PREX1: variants seen among roughly 807,000 people sequenced by gnomAD.
PREX1 encodes phosphatidylinositol 3,4,5-trisphosphate-dependent Rac exchanger 1 protein.
Under a neutral mutation model 198.3 loss-of-function variants are expected in PREX1, and 41 were observed. The observed-to-expected ratio is 0.21, with a 90% CI of 0.16 to 0.27. The LOEUF (loss-of-function observed/expected upper bound fraction) is 0.27, where lower values mean the gene tolerates loss of function less well. Ranked by LOEUF, PREX1 falls within the 10% of genes least tolerant of loss-of-function variation. The pLI is 1.00. For missense variants in PREX1, 1,620 were observed against 2,200.7 expected, an observed-to-expected ratio of 0.74 and a Z score of 5.28; for synonymous variants, 843 against 887.2, an observed-to-expected ratio of 0.95 and a Z score of 0.89.
chr20:48,654,541 G>A (rs981412834), intron 19 of PREX1, among the ~76,000 whole-genome samples: 5 of 152,210 alleles, frequency 3.3e-5, no homozygotes, highest in African/African-American at 4.8e-5. Flanking sequence ...AAATGTCTCC[G>A]GGCAGGGCCG....
intron 1 of PREX1, among the ~76,000 whole-genome samples, chr20:48,766,298 C>T (rs1328366190): frequency 1.3e-5 from 2 of 152,120 alleles, no homozygotes; most frequent in Non-Finnish European, 2.9e-5. Context: ...CGGCTGGGGA[C>T]CACTGGCCTA....
chr20:48,855,884 G>C, the PREX1 span, among the ~76,000 whole-genome samples: 1 of 152,226 alleles, frequency 6.6e-6, no homozygotes, highest in East Asian at 1.9e-4. Flanking sequence ...CTGGGCGATA[G>C]AGCGAGAGAC....
the PREX1 span, among the ~76,000 whole-genome samples, chr20:48,836,628 A>G: frequency 4.6e-5 from 7 of 151,626 alleles, no homozygotes; most frequent in African/African-American, 1.7e-4. Flanking sequence ...TAAGAACCCC[A>G]CTCTGGCTGG....
chr20:48,729,727 A>G (rs1054775925), intron 4 of PREX1, among the ~76,000 whole-genome samples: 3 of 152,048 alleles, frequency 2.0e-5, no homozygotes, highest in Non-Finnish European at 4.4e-5. Context: ...TCCCACCACA[A>G]CCACGCTGTT....
intron 26 of PREX1, among the ~76,000 whole-genome samples, chr20:48,645,055 A>C (rs2122874375): frequency 6.6e-6 from 1 of 152,382 alleles, no homozygotes; most frequent in South Asian, 2.1e-4. Context: ...GAGACTATGG[A>C]CATGAGGCTC....
intron 14 of PREX1, 130 bp downstream of exon 14, chr20:48,676,063 G>T: frequency 1.1e-6 from 1 of 929,330 alleles, no homozygotes; most frequent in Non-Finnish European, 1.7e-6. Context: ...AGATCAAGAT[G>T]GTAAATTTTA....
At chr20:48,630,822 G>A (rs2089308302) in intron 35 of PREX1, 28 bp from the exon 36 acceptor site, 1 of 1,517,180 alleles carries the variant, frequency 6.6e-7, no homozygotes, top group African/African-American at 1.4e-5. Flanking sequence ...GAATGAGGCG[G>A]GGGCCACCAC....
intron 4 of PREX1, among the ~76,000 whole-genome samples, chr20:48,726,722 C>G (rs571753275): frequency 1.3e-5 from 2 of 152,322 alleles, no homozygotes; most frequent in African/African-American, 4.8e-5. Context: ...GACTATCTGG[C>G]CTTTTACAGA....
At chr20:48,672,999 CCT>C (rs374456185) in intron 14 of PREX1, among the ~76,000 whole-genome samples, 13 of 151,924 alleles carry the variant, frequency 8.6e-5, no homozygotes, top group Admixed American at 2.6e-4. Flanking sequence ...AAAAACAGCC[CCT>C]GATACACGGC....
At chr20:48,676,485 G>A (rs2089710413) in intron 13 of PREX1, among the ~76,000 whole-genome samples, 1 of 152,244 alleles carries the variant, frequency 6.6e-6, no homozygotes, top group Non-Finnish European at 1.5e-5. Flanking sequence ...CACCTACAGA[G>A]TGGGAGGCAG....
At chr20:48,830,733 T>G (rs536778857), upstream of PREX1, among the ~76,000 whole-genome samples, 1 of 152,356 alleles carries the variant, frequency 6.6e-6, no homozygotes, top group Admixed American at 6.5e-5. Context: ...ATACAGCGTT[T>G]AGTAACATAC....
rs1481465640 is a variant in PREX1, at chr20:48,683,769, C to T, written c.1335-2434G>A. On this transcript the variant is annotated intron_variant, in intron 10 of 39. Transcript: ENST00000371941. ...TCTCCCCATCATTAAATGTTCATATCGAGTCCAACATTTTCTGAAAGCACT... is the reference window on the plus strand; with the variant it reads ...TCTCCCCATCATTAAATGTTCATATTGAGTCCAACATTTTCTGAAAGCACT... Among the ~76,000 whole-genome samples, 4 of 152,128 alleles carry T rather than the reference C, an allele frequency of 2.6e-5. No individual in the cohort carries two copies. The East Asian group carries it at 5.8e-4, about 22-fold the overall frequency.
At chr20:48,817,154 G>A (rs1341559627) in intron 1 of PREX1, among the ~76,000 whole-genome samples, 1 of 152,186 alleles carries the variant, frequency 6.6e-6, no homozygotes, top group Non-Finnish European at 1.5e-5. Flanking sequence ...GGGAGGTGCT[G>A]TCATGTATTT....
At chr20:48,704,508 G>A (rs936185915) in intron 6 of PREX1, among the ~76,000 whole-genome samples, 5 of 144,092 alleles carry the variant, frequency 3.5e-5, no homozygotes, top group Non-Finnish European at 7.8e-5. Flanking sequence ...GCCAGAAAAT[G>A]GAGTGCCTTC....
At chr20:48,687,281 G>A (rs766769457) in intron 10 of PREX1, among the ~76,000 whole-genome samples, 4 of 152,126 alleles carry the variant, frequency 2.6e-5, no homozygotes, top group South Asian at 2.1e-4. Context: ...GACATAACCC[G>A]TCCACAACTG....
intron 1 of PREX1, among the ~76,000 whole-genome samples, chr20:48,779,204 C>T (rs1020283967): frequency 9.2e-5 from 14 of 151,978 alleles, no homozygotes; most frequent in African/African-American, 3.4e-4. Flanking sequence ...TTTTCTTCAC[C>T]CAAGAAGTAT....
At chr20:48,813,300 G>A (rs1353256034) in intron 1 of PREX1, among the ~76,000 whole-genome samples, 1 of 152,186 alleles carries the variant, frequency 6.6e-6, no homozygotes, top group Non-Finnish European at 1.5e-5. Flanking sequence ...CTTGGCTCTG[G>A]GACAAGCATG....
At chr20:48,645,804 C>A in intron 26 of PREX1, 47 bp downstream of exon 26, 1 of 1,598,184 alleles carries the variant, frequency 6.3e-7, no homozygotes, top group Non-Finnish European at 8.5e-7. Flanking sequence ...CCTCACCTGT[C>A]CAGGGCCATC....
intron 19 of PREX1, among the ~76,000 whole-genome samples, chr20:48,654,668 G>A (rs1206367267): frequency 1.3e-5 from 2 of 152,182 alleles, no homozygotes; most frequent in African/African-American, 4.8e-5. Flanking sequence ...CATGGTATGC[G>A]TTTTCTTAAT....
Sources: gnomAD v4.1 joint callset for allele counts (sites outside exome capture counted in the v4.1 genomes callset) on GRCh38, gnomAD v4.1.1 for gene constraint, MANE v1.5 for transcripts, NCBI Gene and HGNC (gene_info 2026-07-23, HGNC 2026-07-21) for gene names.